Variants in AFF3 observed in about 807,000 individuals in gnomAD.
The protein encoded by AFF3 is ALF transcription elongation factor 3.
AFF3 carries 32 observed loss-of-function variants against 129.7 expected under a neutral mutation model. The ratio of observed to expected loss-of-function variants is 0.25; its 90% CI spans 0.19 to 0.33. The LOEUF (loss-of-function observed/expected upper bound fraction) is 0.33, where lower values mean the gene tolerates loss of function less well. Ranked by LOEUF, AFF3 falls within the 10% of genes least tolerant of loss-of-function variation. The probability of loss-of-function intolerance (pLI) is 1.00; values close to 1 mark genes in which losing one functional copy is unlikely to be tolerated. For missense variants in AFF3, 1,373 were observed against 1,592.0 expected, an observed-to-expected ratio of 0.86 and a Z score of 2.34; for synonymous variants, 644 against 635.4, an observed-to-expected ratio of 1.01 and a Z score of -0.20.
chr2:100,118,945 C>T (rs1162579088), intron 2 of AFF3, among the ~76,000 whole-genome samples: 2 of 152,018 alleles, frequency 1.3e-5, no homozygotes, highest in Non-Finnish European at 1.5e-5. Context: ...GGATTACAGG[C>T]GTGCGCCACC....
intron 4 of AFF3, among the ~76,000 whole-genome samples, chr2:100,046,656 G>C (rs1284824625): frequency 6.6e-6 from 1 of 152,134 alleles, no homozygotes. Context: ...ATGTTAGTCA[G>C]ATCAAGATTT....
chr2:99,976,433 A>G (rs1447038575), intron 7 of AFF3, among the ~76,000 whole-genome samples: 2 of 152,230 alleles, frequency 1.3e-5, no homozygotes, highest in African/African-American at 4.8e-5. Flanking sequence ...ATATGCTCCT[A>G]GGAAAAAGGT....
Position 99,680,230 on chromosome 2 carries a change from C to A in AFF3, c.1092-7641G>T, listed in dbSNP as rs371887425. 8.5e-5 allele frequency among the ~76,000 whole-genome samples: 13 copies of A among 152,198 alleles called. 1 individual carries two copies. The highest frequency in any genetic ancestry group is 1.6e-4 in the Non-Finnish European group (11 of 68,002). The stretch of plus-strand genomic sequence containing the variant: ...GCTGGATATACTCTATCATTTCTAT[C>A]AAAAAACTGAGGCTTTAGAAAGAGC... On this transcript the variant is annotated intron_variant, in intron 11 of 24. Transcript: ENST00000672756.
intron 7 of AFF3, among the ~76,000 whole-genome samples, chr2:99,887,135 A>T (rs1165215116): frequency 6.6e-6 from 1 of 152,190 alleles, no homozygotes; most frequent in African/African-American, 2.4e-5. Flanking sequence ...CAGATGAGCT[A>T]ATCTGTTCAC....
chr2:99,681,396 C>T (rs1173275967), intron 11 of AFF3, among the ~76,000 whole-genome samples: 1 of 152,180 alleles, frequency 6.6e-6, no homozygotes, highest in African/African-American at 2.4e-5. Context: ...GGGCCTTACC[C>T]CCTGGGATTC....
intron 7 of AFF3, among the ~76,000 whole-genome samples, chr2:99,995,719 T>C (rs1680780660): frequency 6.6e-6 from 1 of 152,188 alleles, no homozygotes; most frequent in Non-Finnish European, 1.5e-5. Flanking sequence ...GGTAACAGTC[T>C]TTGTAACCAT....
chr2:99,947,637 T>TAGACAGACAGAC (rs1229518187), intron 7 of AFF3, among the ~76,000 whole-genome samples: 26 of 143,624 alleles, frequency 1.8e-4, no homozygotes, highest in African/African-American at 6.6e-4. Context: ...GATAGATAGA[T>TAGACAGACAGAC]AGATAGATAG....
intron 4 of AFF3, among the ~76,000 whole-genome samples, chr2:100,060,160 T>A (rs1259057047): frequency 6.6e-6 from 1 of 151,982 alleles, no homozygotes; most frequent in Non-Finnish European, 1.5e-5. Context: ...CTTGCTCAGC[T>A]CTGTGTTATC....
chr2:99,612,056 T>C (rs1236883201), intron 13 of AFF3, among the ~76,000 whole-genome samples: 1 of 152,168 alleles, frequency 6.6e-6, no homozygotes, highest in Non-Finnish European at 1.5e-5. Context: ...GTCACCACCA[T>C]GTCTTTTCCT....
At position 99,923,599 on chromosome 2, in the gene AFF3, C is replaced by T. The variant is rs554930361; in HGVS notation, c.873+83033G>A. On this transcript the variant is annotated intron_variant, in intron 7 of 24. Coordinates refer to ENST00000672756, the MANE Select transcript of AFF3 (RefSeq NM_001386135.1). ...GATGTAGAGTGAGGTCCAATGAATT[C>T]ACTCAAAAGAAATATAGCACAAAGC... is the stretch of plus-strand genomic sequence containing the variant. 2.0e-5 allele frequency among the ~76,000 whole-genome samples: 3 copies of T among 152,230 alleles called. No individual in the cohort carries two copies. The South Asian group carries it at 6.2e-4, about 32-fold the overall frequency.
At chr2:100,012,386 G>A (rs1437151791) in intron 4 of AFF3, among the ~76,000 whole-genome samples, 2 of 152,070 alleles carry the variant, frequency 1.3e-5, no homozygotes, top group Non-Finnish European at 2.9e-5. Context: ...AGAAGCACAA[G>A]CCCCCCACCA....
intron 13 of AFF3, among the ~76,000 whole-genome samples, chr2:99,633,861 T>C (rs1426342697): frequency 6.6e-6 from 1 of 151,672 alleles, no homozygotes; most frequent in Non-Finnish European, 1.5e-5. Context: ...CCCCACTTCC[T>C]GTACAGCCTG....
At chr2:99,906,382 T>C (rs1044042712) in intron 7 of AFF3, among the ~76,000 whole-genome samples, 3 of 152,164 alleles carry the variant, frequency 2.0e-5, no homozygotes, top group Admixed American at 6.5e-5. Flanking sequence ...AAGTGGGTGC[T>C]TTCGGACCTA....
chr2:99,601,389 G>GA (rs1291428699), intron 14 of AFF3, 46 bp downstream of exon 14: 1 of 1,516,096 alleles, frequency 6.6e-7, no homozygotes, highest in South Asian at 1.3e-5. Flanking sequence ...TATCCTCATA[G>GA]AGACAGAAGT....
chr2:99,908,334 G>A (rs1424507962), intron 7 of AFF3, among the ~76,000 whole-genome samples: 5 of 152,094 alleles, frequency 3.3e-5, no homozygotes, highest in African/African-American at 4.8e-5. Flanking sequence ...ATTCAAGATG[G>A]ATTAAAGACT....
intron 13 of AFF3, among the ~76,000 whole-genome samples, chr2:99,627,391 G>C (rs768209114): frequency 6.6e-6 from 1 of 151,792 alleles, no homozygotes; most frequent in Non-Finnish European, 1.5e-5. Context: ...TAAAGTGTCT[G>C]ACCATGTCCT....
intron 8 of AFF3, among the ~76,000 whole-genome samples, chr2:99,821,846 C>T (rs1048847419): frequency 6.6e-6 from 1 of 152,154 alleles, no homozygotes; most frequent in Non-Finnish European, 1.5e-5. Context: ...TGTCACACAA[C>T]AGGCATTTGA....
chr2:99,672,445 C>T, intron 12 of AFF3, 93 bp downstream of exon 12: 1 of 1,202,040 alleles, frequency 8.3e-7, no homozygotes. Context: ...CCTGGAGTGC[C>T]ACCATTCAGC....
At chr2:99,778,976 A>G (rs1684180219) in intron 8 of AFF3, among the ~76,000 whole-genome samples, 1 of 150,378 alleles carries the variant, frequency 6.6e-6, no homozygotes, top group Admixed American at 6.6e-5. Flanking sequence ...AGATAATGTT[A>G]TCTGTGAATT....
Sources: allele counts gnomAD v4.1 joint callset (sites outside exome capture counted in the v4.1 genomes callset), GRCh38; gene constraint gnomAD v4.1.1; transcripts MANE v1.5; gene names NCBI Gene and HGNC (gene_info 2026-07-23, HGNC 2026-07-21).